Variants in APBA2 observed in about 807,000 individuals in gnomAD.
The protein encoded by APBA2 is amyloid-beta A4 precursor protein-binding family A member 2.
In APBA2, 30 loss-of-function variants were observed where a neutral mutation model predicts 75.0. The observed-to-expected ratio is 0.40, with a 90% CI of 0.30 to 0.54. The LOEUF (loss-of-function observed/expected upper bound fraction) is 0.54, where lower values mean the gene tolerates loss of function less well. Among genes scored for constraint, APBA2 ranks in the 20% least tolerant of loss-of-function variants. APBA2 has a pLI of 0.49. For missense variants in APBA2, 801 were observed against 1,016.1 expected, an observed-to-expected ratio of 0.79 and a Z score of 2.88; for synonymous variants, 444 against 409.6, an observed-to-expected ratio of 1.08 and a Z score of -1.01.
At chr15:29,028,971 G>C (rs1428669356) in intron 3 of APBA2, among the ~76,000 whole-genome samples, 1 of 152,144 alleles carries the variant, frequency 6.6e-6, no homozygotes, top group Non-Finnish European at 1.5e-5. Context: ...TGTTTGCTGT[G>C]ATGATAGTTT....
chr15:28,894,644 G>A (rs1240991519), intron 1 of APBA2, among the ~76,000 whole-genome samples: 6 of 152,190 alleles, frequency 3.9e-5, no homozygotes, highest in Non-Finnish European at 7.3e-5. Flanking sequence ...AGTTGCTGAC[G>A]ATTAGGAGCT....
chr15:28,943,632 G>T (rs2035362595), intron 2 of APBA2, among the ~76,000 whole-genome samples: 1 of 152,184 alleles, frequency 6.6e-6, no homozygotes, highest in Non-Finnish European at 1.5e-5. Context: ...GTGGCGGGAA[G>T]CTTTTCACTC....
Position 29,054,557 on chromosome 15 carries a change from G to A in APBA2, c.673G>A (p.Asp225Asn), listed in dbSNP as rs1440356258. The change falls in exon 4 of 15, where the codon GAC becomes AAC. Residue 225 changes from aspartate to asparagine, a missense_variant. Around this residue, in one of 2 missense-constraint regions of APBA2, gnomAD observed 434 missense variants for 471.6 expected, o/e 0.92. Transcript: ENST00000683413. This position sits in a 1 kb window ranked among gnomAD's most constrained non-coding sequence, Gnocchi z 6.1. ...TGGGGACCTGGAGGACCAGGAGGAG[G>A]ACATTGACCAGATCGTGGCAGAGAT... Reference protein sequence around the residue: ...GDGDLEDQEEDIDQIVAEIKM... With the variant: ...GDGDLEDQEENIDQIVAEIKM... 4 of 1,613,768 alleles carry A rather than the reference G, an allele frequency of 2.5e-6. No homozygotes were observed. Among genetic ancestry groups the A allele is most frequent in the Non-Finnish European group, 2.5e-6 (3 of 1,179,866 alleles).
chr15:28,933,114 T>C (rs1041508942), intron 2 of APBA2, among the ~76,000 whole-genome samples: 5 of 152,184 alleles, frequency 3.3e-5, no homozygotes, highest in Non-Finnish European at 7.3e-5. Flanking sequence ...ACTCTCGCGA[T>C]AATGGCATTA....
At chr15:28,998,454 C>A (rs2038661771) in intron 3 of APBA2, among the ~76,000 whole-genome samples, 1 of 152,090 alleles carries the variant, frequency 6.6e-6, no homozygotes, top group African/African-American at 2.4e-5. Context: ...CGTATGGATG[C>A]ATATAAATGC....
chr15:28,965,687 G>A (rs1390088105), intron 2 of APBA2, among the ~76,000 whole-genome samples: 2 of 152,040 alleles, frequency 1.3e-5, no homozygotes, highest in Non-Finnish European at 1.5e-5. Context: ...TACATATTTT[G>A]TTAGATATAT....
At chr15:28,886,341 G>C (rs867989391) in intron 1 of APBA2, 63 bp downstream of exon 1, 4 of 151,362 alleles carry the variant, frequency 2.6e-5, no homozygotes, top group African/African-American at 9.7e-5. Flanking sequence ...CGCCCGGGGC[G>C]CCGCGAGGAC....
intron 3 of APBA2, among the ~76,000 whole-genome samples, chr15:29,047,888 C>T (rs1188652406): frequency 6.6e-6 from 1 of 152,054 alleles, no homozygotes; most frequent in Non-Finnish European, 1.5e-5. Flanking sequence ...AGGAAGAGAT[C>T]TATTCGCAAC....
chr15:28,983,507 G>A (rs1238621851), intron 2 of APBA2, among the ~76,000 whole-genome samples: 1 of 152,098 alleles, frequency 6.6e-6, no homozygotes, highest in South Asian at 2.1e-4. Context: ...CCCAGCATAC[G>A]GAAAAACCCC....
chr15:29,092,946 A>G (rs4779760), intron 6 of APBA2, 129 bp from the exon 7 acceptor site: 1,211,583 of 1,268,348 alleles, frequency 0.96, 586,106 homozygotes, highest in Non-Finnish European at 0.99. Context: ...TGCAGATGGC[A>G]ATGGTTGGGC....
chr15:29,085,498 C>CT (rs754811663), intron 6 of APBA2, among the ~76,000 whole-genome samples: 166 of 142,586 alleles, frequency 1.2e-3, no homozygotes, highest in Non-Finnish European at 2.1e-3. Context: ...GCACTCCAGC[C>CT]TGGGCGACAG....
At position 29,079,538 on chromosome 15, in the gene APBA2, G is replaced by A. The variant is rs557713026; in HGVS notation, c.1069+3447G>A. Among the ~76,000 whole-genome samples the A allele has an allele frequency of 2.6e-5, 4 of 152,092 alleles. No homozygotes were observed. In the South Asian group the frequency reaches 8.3e-4, roughly 32 times the overall value. Reference sequence around the variant, plus strand: ...GCCTCTCAGATGTTAGTGTTGGCCAGACAATCAAACCCTGGGCTTTTTATG... The same window carrying A: ...GCCTCTCAGATGTTAGTGTTGGCCAAACAATCAAACCCTGGGCTTTTTATG... On this transcript the variant is annotated intron_variant, in intron 6 of 14. Coordinates refer to ENST00000683413, the MANE Select transcript of APBA2 (RefSeq NM_001353788.2).
intron 3 of APBA2, among the ~76,000 whole-genome samples, chr15:28,996,190 C>T (rs1274713085): frequency 2.0e-5 from 3 of 152,192 alleles, no homozygotes; most frequent in East Asian, 3.9e-4. Flanking sequence ...CTAGTTACAG[C>T]GAAAGTAGAC....
intron 13 of APBA2, among the ~76,000 whole-genome samples, chr15:29,113,411 C>T (rs1048144872): frequency 1.3e-5 from 2 of 152,148 alleles, no homozygotes; most frequent in South Asian, 2.1e-4. Context: ...TTTGGGCATC[C>T]GGCAAACAGA....
intron 2 of APBA2, chr15:28,976,977 A>G (rs991927025): frequency 6.6e-6 from 1 of 152,200 alleles, no homozygotes; most frequent in African/African-American, 2.4e-5. Context: ...TCAAGTGACT[A>G]ATTAAATTTC....
At chr15:28,969,860 G>T (rs2036971200) in intron 2 of APBA2, among the ~76,000 whole-genome samples, 1 of 152,240 alleles carries the variant, frequency 6.6e-6, no homozygotes, top group African/African-American at 2.4e-5. Flanking sequence ...CAGAATTGGA[G>T]GGAGCGTGGC....
At chr15:29,045,103 C>CTCTCTCTCTCTCTTTCTT (rs57446098) in intron 3 of APBA2, among the ~76,000 whole-genome samples, 12 of 140,402 alleles carry the variant, frequency 8.5e-5, no homozygotes, top group African/African-American at 3.3e-4. Context: ...CTCTCTCTCT[C>CTCTCTCTCTCTCTTTCTT]GTCTCGCACT....
chr15:29,034,038 C>A (rs2040622879), intron 3 of APBA2, among the ~76,000 whole-genome samples: 1 of 150,108 alleles, frequency 6.7e-6, no homozygotes, highest in Non-Finnish European at 1.5e-5. Context: ...AGATGCAAAG[C>A]TTTGGCGTCC....
At chr15:28,919,661 G>A (rs553352977) in intron 1 of APBA2, among the ~76,000 whole-genome samples, 2 of 152,190 alleles carry the variant, frequency 1.3e-5, no homozygotes, top group African/African-American at 2.4e-5. Flanking sequence ...ACCCTGCAGC[G>A]GGGACTCAGT....
Sources: gnomAD v4.1 joint callset for allele counts (sites outside exome capture counted in the v4.1 genomes callset) on GRCh38, gnomAD v4.1.1 for gene constraint, gnomAD v4.1.1 regional missense constraint, Gnocchi (gnomAD v3.1) non-coding constraint, MANE v1.5 for transcripts, NCBI Gene and HGNC (gene_info 2026-07-23, HGNC 2026-07-21) for gene names.